The following IGFL4 variants were observed in gnomAD, a reference collection of about 807,000 sequenced individuals.
The protein encoded by IGFL4 is IGF like family member 4, also known as insulin growth factor-like family member 4.
Under a neutral mutation model 15.4 loss-of-function variants are expected in IGFL4, and 12 were observed. That is an observed-to-expected ratio of 0.78 (90% CI 0.50 to 1.26). The LOEUF is 1.26. Among genes scored for constraint, IGFL4 ranks in the 50% most tolerant of loss-of-function variants. IGFL4 has a pLI of 0.00. For missense variants in IGFL4, 126 were observed against 147.8 expected (o/e 0.85, Z 0.76); for synonymous variants, 54 against 55.9 (o/e 0.97, Z 0.16).
Position 46,040,385 on chromosome 19 carries a change from G to C in IGFL4, c.102C>G (p.Pro34=), listed in dbSNP as rs1396068027. 9 of 1,614,096 alleles carry C rather than the reference G, an allele frequency of 5.6e-6. No individual in the cohort carries two copies. Among genetic ancestry groups the C allele is most frequent in the Non-Finnish European group, 7.6e-6 (9 of 1,180,046 alleles). ...GGTTGTAGGTCCACTCCCCGCACCT[G>C]GGCGCTGGCTGGCATAGCCACAGTC... ...DLRLWLCQPA[P]RCGEWTYNPL... is the part of the protein sequence containing the mutation. Residue 34 remains proline (P), a synonymous_variant, in exon 3 of 4, where the codon CCC becomes CCG. Coordinates refer to ENST00000377697, the MANE Select transcript of IGFL4 (RefSeq NM_001002923.3). This position sits in a 1 kb window ranked among gnomAD's most constrained non-coding sequence, Gnocchi z 4.1.
At chr19:46,049,368 G>T (rs1969324900) in intron 2 of IGFL4, among the ~76,000 whole-genome samples, 1 of 152,150 alleles carries the variant, frequency 6.6e-6, no homozygotes, top group Admixed American at 6.5e-5. Context: ...TGTAGCCTGG[G>T]GCAAGTTCTC....
intron 1 of IGFL4, among the ~76,000 whole-genome samples, chr19:46,072,179 T>C (rs1361770504): frequency 2.6e-5 from 4 of 152,190 alleles, no homozygotes; most frequent in African/African-American, 9.7e-5. Flanking sequence ...GGATAAAATA[T>C]CAATCTCTGA....
Position 46,053,340 on chromosome 19 carries a change from G to A in IGFL4, c.-323+6845C>T, listed in dbSNP as rs371827362. On this transcript the variant is annotated intron_variant, in intron 2 of 5. Transcript: ENST00000601672. ...AGTGATTCTCCTGCCTCATTCTCCCGAGTAGCTGGGATTACAGGCACCCAC... is the reference window on the plus strand; with the variant it reads ...AGTGATTCTCCTGCCTCATTCTCCCAAGTAGCTGGGATTACAGGCACCCAC... Among the ~76,000 whole-genome samples, 9 of 152,088 alleles carry A rather than the reference G, an allele frequency of 5.9e-5. No homozygotes were observed. In the East Asian group the frequency reaches 7.7e-4, roughly 13 times the overall value.
At chr19:46,052,431 C>T (rs1219867257) in intron 2 of IGFL4, among the ~76,000 whole-genome samples, 1 of 152,036 alleles carries the variant, frequency 6.6e-6, no homozygotes, top group African/African-American at 2.4e-5. Flanking sequence ...TTGAAAAATT[C>T]TTTGACCTGA....
At chr19:46,074,838 G>T (rs1196745229) in intron 1 of IGFL4, among the ~76,000 whole-genome samples, 2 of 152,108 alleles carry the variant, frequency 1.3e-5, no homozygotes, top group Non-Finnish European at 2.9e-5. Context: ...CAATCCAATC[G>T]AGTTGACAGT....
intron 2 of IGFL4, among the ~76,000 whole-genome samples, chr19:46,047,861 T>C (rs1296932060): frequency 6.6e-6 from 1 of 152,132 alleles, no homozygotes; most frequent in Non-Finnish European, 1.5e-5. Context: ...TGGTACAATT[T>C]CTACGGAAAC....
At position 46,040,473 on chromosome 19, in the gene IGFL4, C is replaced by A. The variant is rs1232718084; in HGVS notation, c.70+45G>T. 6.2e-7 allele frequency: 1 copy of A among 1,613,832 alleles called. No individual in the cohort carries two copies. Among genetic ancestry groups the A allele is most frequent in the African/African-American group, 1.3e-5 (1 of 75,032 alleles). ...GACCAGCCTAGGACCACCTCCCCAC[C>A]AACCTTAATGCTGTTCTCTCCTCCC... On this transcript the variant is annotated intron_variant, in intron 2 of 3. Coordinates refer to ENST00000377697, the MANE Select transcript of IGFL4 (RefSeq NM_001002923.3). The surrounding 1 kb of genome is among the most constrained non-coding windows in gnomAD (Gnocchi z 4.1).
intron 2 of IGFL4, chr19:46,060,156 C>T (rs1346143052): frequency 6.6e-6 from 1 of 152,196 alleles, no homozygotes; most frequent in Non-Finnish European, 1.5e-5. Flanking sequence ...ATGCAAATAA[C>T]TATATTGCTA....
chr19:46,070,785 C>G (rs772083396), intron 1 of IGFL4, among the ~76,000 whole-genome samples: 11 of 152,210 alleles, frequency 7.2e-5, no homozygotes, highest in Admixed American at 1.3e-4. Context: ...CTACTTCACC[C>G]TCTCTCTTAC....
At chr19:46,055,670 G>T (rs1411622514) in intron 2 of IGFL4, among the ~76,000 whole-genome samples, 1 of 152,136 alleles carries the variant, frequency 6.6e-6, no homozygotes, top group African/African-American at 2.4e-5. Context: ...AGAGATACTT[G>T]GAAAGATCAG....
At chr19:46,069,631 G>C (rs542510075) in intron 1 of IGFL4, among the ~76,000 whole-genome samples, 2 of 152,236 alleles carry the variant, frequency 1.3e-5, no homozygotes, top group South Asian at 4.1e-4. Context: ...AATTCTCATG[G>C]CTGCCTAGAT....
chr19:46,072,731 T>C lies in IGFL4; in HGVS notation c.-432+4289A>G, dbSNP rs1205237924. On this transcript the variant is annotated intron_variant, in intron 1 of 5. Coordinates refer to the IGFL4 transcript ENST00000601672. ...GGCAGGAGATGCAGCTCACAACTGG[T>C]CAGTTTGAATAATATTGGCAGGGTG... 2.0e-5 allele frequency among the ~76,000 whole-genome samples: 3 copies of C among 152,120 alleles called. 1 individual carries two copies. In the East Asian group the frequency reaches 5.8e-4, roughly 29 times the overall value.
intron 1 of IGFL4, among the ~76,000 whole-genome samples, chr19:46,070,802 G>A (rs1386574943): frequency 6.6e-6 from 1 of 152,120 alleles, no homozygotes; most frequent in Non-Finnish European, 1.5e-5. Flanking sequence ...TTACATGGGT[G>A]GGCCTGAAGT....
At chr19:46,077,296 G>C (rs753801601), upstream of IGFL4, among the ~76,000 whole-genome samples, 31 of 152,212 alleles carry the variant, frequency 2.0e-4, no homozygotes, top group Non-Finnish European at 3.7e-4. The surrounding 1 kb of genome is among the most constrained non-coding windows in gnomAD (Gnocchi z 5.4). Flanking sequence ...TCTCAGTCGC[G>C]CTATGGGGGT....
At chr19:46,056,289 C>A (rs1600674000) in intron 2 of IGFL4, among the ~76,000 whole-genome samples, 1 of 152,292 alleles carries the variant, frequency 6.6e-6, no homozygotes, top group South Asian at 2.1e-4. Flanking sequence ...CTCATGTGCT[C>A]AATTGCCATA....
At chr19:46,052,261 T>C (rs1969351880) in intron 2 of IGFL4, among the ~76,000 whole-genome samples, 1 of 152,228 alleles carries the variant, frequency 6.6e-6, no homozygotes, top group African/African-American at 2.4e-5. Flanking sequence ...TAGATCTCAA[T>C]AAATTTAAAA....
At chr19:46,068,926 A>G (rs975749805) in intron 1 of IGFL4, among the ~76,000 whole-genome samples, 5 of 152,224 alleles carry the variant, frequency 3.3e-5, no homozygotes, top group Admixed American at 1.3e-4. Context: ...CACCAAGTGA[A>G]TATCTTCATG....
intron 1 of IGFL4, among the ~76,000 whole-genome samples, chr19:46,060,961 C>A (rs988172966): frequency 2.0e-5 from 3 of 152,162 alleles, no homozygotes; most frequent in Admixed American, 6.5e-5. Context: ...TTTTTATTAA[C>A]CCTTAACAGA....
intron 2 of IGFL4, among the ~76,000 whole-genome samples, chr19:46,046,348 A>G (rs1969297393): frequency 6.6e-6 from 1 of 152,212 alleles, no homozygotes; most frequent in African/African-American, 2.4e-5. Flanking sequence ...CAACCAACAA[A>G]ACAAGTCTGT....
Sources: gnomAD v4.1 joint callset for allele counts (sites outside exome capture counted in the v4.1 genomes callset) on GRCh38, gnomAD v4.1.1 for gene constraint, Gnocchi (gnomAD v3.1) non-coding constraint, MANE v1.5 for transcripts, NCBI Gene and HGNC (gene_info 2026-07-23, HGNC 2026-07-21) for gene names.